STOX1: variants seen among roughly 807,000 people sequenced by gnomAD.
STOX1 encodes the protein storkhead box 1, also known as storkhead-box protein 1.
In STOX1, 57 loss-of-function variants were observed where a neutral mutation model predicts 74.8. That is an observed-to-expected ratio of 0.76 (90% CI 0.62 to 0.95). The LOEUF is 0.95. Among genes scored for constraint, STOX1 ranks in the 40% least tolerant of loss-of-function variants. The pLI, the probability that STOX1 is intolerant of heterozygous loss-of-function variation, is 0.00. For synonymous variants in STOX1, 375 were observed against 401.3 expected (o/e 0.93, Z 0.78); for missense variants, 1,010 against 1,117.0 (o/e 0.90, Z 1.37).
chr10:68,883,601 G>A (rs934491184), intron 2 of STOX1, among the ~76,000 whole-genome samples: 5 of 151,776 alleles, frequency 3.3e-5, no homozygotes, highest in African/African-American at 1.2e-4. Flanking sequence ...TCTAGTAGAG[G>A]AATGATTTCA....
chr10:68,844,533 A>G (rs1193458256), intron 1 of STOX1, among the ~76,000 whole-genome samples: 1 of 151,578 alleles, frequency 6.6e-6, no homozygotes, highest in African/African-American at 2.4e-5. Context: ...TCCTGACCTC[A>G]GGTGATCCAC....
chr10:68,854,620 A>G (rs1840076266), intron 1 of STOX1, among the ~76,000 whole-genome samples: 1 of 152,074 alleles, frequency 6.6e-6, no homozygotes, highest in Non-Finnish European at 1.5e-5. Flanking sequence ...CCAATGGCAT[A>G]ACTCACTACA....
chr10:68,835,985 C>T (rs1473300783), intron 1 of STOX1, among the ~76,000 whole-genome samples: 1 of 152,190 alleles, frequency 6.6e-6, no homozygotes, highest in African/African-American at 2.4e-5. Context: ...AATTCTCCTG[C>T]CTCAGCCTCC....
chr10:68,881,401 C>T (rs1403866988), intron 1 of STOX1, among the ~76,000 whole-genome samples: 1 of 152,230 alleles, frequency 6.6e-6, no homozygotes, highest in Non-Finnish European at 1.5e-5. Flanking sequence ...TTGGAAAACA[C>T]TTCTGCCTTT....
In STOX1 at chr10:68,886,118, G is replaced by C. The variant is rs117563383; in HGVS notation, c.2322G>C (p.Val774=). 6.2e-7 allele frequency: 1 copy of C among 1,614,200 alleles called. No individual in the cohort carries two copies. Among genetic ancestry groups the C allele is most frequent in the Non-Finnish European group, 8.5e-7 (1 of 1,180,038 alleles). The part of the protein sequence containing the change: ...SQGNHLGKQK[V]IERSLTEYNS... ...GAAATCATTTAGGAAAACAAAAAGTGATTGAGAGATCTCTGACCGAGTACA... is the reference window on the plus strand; with the variant it reads ...GAAATCATTTAGGAAAACAAAAAGTCATTGAGAGATCTCTGACCGAGTACA... The change falls in exon 3 of 4, where the codon GTG becomes GTC. Residue 774 remains valine (V), a synonymous_variant. Transcript: ENST00000298596.
chr10:68,858,641 C>T (rs1049202557), intron 1 of STOX1, among the ~76,000 whole-genome samples: 2 of 152,056 alleles, frequency 1.3e-5, no homozygotes, highest in African/African-American at 4.8e-5. Flanking sequence ...AATGCAGAAA[C>T]TCAGTGATGC....
At chr10:68,878,838 C>G (rs1205381792) in intron 1 of STOX1, among the ~76,000 whole-genome samples, 1 of 152,218 alleles carries the variant, frequency 6.6e-6, no homozygotes, top group African/African-American at 2.4e-5. Context: ...AGAGCATAAT[C>G]AAGCTTTCTT....
chr10:68,842,837 C>T (rs1839729621), intron 1 of STOX1, among the ~76,000 whole-genome samples: 1 of 151,662 alleles, frequency 6.6e-6, no homozygotes, highest in Non-Finnish European at 1.5e-5. Flanking sequence ...CTGCGCCTGG[C>T]CGGCTCTGTG....
chr10:68,838,002 C>G (rs1488809717), intron 1 of STOX1, among the ~76,000 whole-genome samples: 1 of 151,348 alleles, frequency 6.6e-6, no homozygotes, highest in African/African-American at 2.4e-5. Context: ...AAGTTTATTC[C>G]TAAGTATTTT....
chr10:68,891,481 A>G (rs1253891035), intron 3 of STOX1, among the ~76,000 whole-genome samples: 3 of 152,178 alleles, frequency 2.0e-5, no homozygotes, highest in African/African-American at 4.8e-5. Flanking sequence ...GTTGATGGAG[A>G]GTAGCAAAGT....
chr10:68,887,853 C>T (rs959024998), intron 3 of STOX1, among the ~76,000 whole-genome samples: 3 of 152,074 alleles, frequency 2.0e-5, no homozygotes, highest in Admixed American at 1.3e-4. Flanking sequence ...CCTCAGCCTC[C>T]CAAAGTGCTG....
intron 1 of STOX1, among the ~76,000 whole-genome samples, chr10:68,859,594 A>C (rs1189716874): frequency 6.6e-6 from 1 of 152,122 alleles, no homozygotes; most frequent in East Asian, 1.9e-4. Flanking sequence ...AGGTCTAATC[A>C]AGCCCTTAGC....
intron 1 of STOX1, among the ~76,000 whole-genome samples, chr10:68,841,788 T>A (rs182529375): frequency 9.8e-5 from 15 of 152,310 alleles, no homozygotes; most frequent in African/African-American, 3.1e-4. Context: ...AGTCTCATTC[T>A]ACCAGCAAAG....
At chr10:68,853,209 G>A (rs1234720508) in intron 1 of STOX1, among the ~76,000 whole-genome samples, 1 of 152,160 alleles carries the variant, frequency 6.6e-6, no homozygotes, top group Non-Finnish European at 1.5e-5. Flanking sequence ...ACAGGCGTGA[G>A]CCACTGTGCC....
chr10:68,831,285 T>G (rs947831973), intron 1 of STOX1, among the ~76,000 whole-genome samples: 1 of 152,148 alleles, frequency 6.6e-6, no homozygotes, highest in African/African-American at 2.4e-5. Context: ...CCTTCTGGGT[T>G]CATGCAATTC....
chr10:68,851,509 A>G (rs1839983008), intron 1 of STOX1, among the ~76,000 whole-genome samples: 1 of 152,126 alleles, frequency 6.6e-6, no homozygotes, highest in Non-Finnish European at 1.5e-5. Flanking sequence ...ATATGAATGT[A>G]TGAATGTACC....
At chr10:68,828,391 C>G in intron 1 of STOX1, 1 of 782,150 alleles carries the variant, frequency 1.3e-6, no homozygotes, top group Non-Finnish European at 1.6e-6. Context: ...TCTGAGGGCC[C>G]GGGGGCTGCG....
chr10:68,849,375 G>A (rs1839926136), intron 1 of STOX1, among the ~76,000 whole-genome samples: 1 of 151,934 alleles, frequency 6.6e-6, no homozygotes, highest in African/African-American at 2.4e-5. Context: ...GATTCTCTTA[G>A]GCCAGTAATT....
intron 1 of STOX1, among the ~76,000 whole-genome samples, chr10:68,866,381 C>T (rs1840404876): frequency 6.6e-6 from 1 of 152,238 alleles, no homozygotes; most frequent in South Asian, 2.1e-4. Context: ...ATTTCTTTCC[C>T]TGAATAGTTT....
Sources: gnomAD v4.1 joint callset for allele counts (sites outside exome capture counted in the v4.1 genomes callset) on GRCh38, gnomAD v4.1.1 for gene constraint, MANE v1.5 for transcripts, NCBI Gene and HGNC (gene_info 2026-07-23, HGNC 2026-07-21) for gene names.